Variants in ASPSCR1 observed in about 807,000 individuals in gnomAD.
ASPSCR1 encodes the protein ASPSCR1 tether for SLC2A4, UBX domain containing.
Under a neutral mutation model 68.9 loss-of-function variants are expected in ASPSCR1, and 55 were observed. That is an observed-to-expected ratio of 0.80 (90% confidence interval 0.64 to 1.00). The LOEUF (loss-of-function observed/expected upper bound fraction) is 1.00. ASPSCR1 is among the 50% of genes least tolerant of loss of function. The probability of loss-of-function intolerance (pLI) is 0.00; values close to 1 mark genes in which losing one functional copy is unlikely to be tolerated. For synonymous variants in ASPSCR1, 352 were observed against 332.6 expected, an observed-to-expected ratio of 1.06 and a Z score of -0.63; for missense variants, 765 against 762.2, an observed-to-expected ratio of 1.00 and a Z score of -0.04.
At chr17:81,992,382 T>A (rs2042198735) in intron 4 of ASPSCR1, among the ~76,000 whole-genome samples, 1 of 152,180 alleles carries the variant, frequency 6.6e-6, no homozygotes, top group Non-Finnish European at 1.5e-5. Context: ...GGAGGGAATC[T>A]GATCCCTCTG....
At chr17:82,004,422 G>T in intron 7 of ASPSCR1, 1 of 152,338 alleles carries the variant, frequency 6.6e-6, no homozygotes, top group Non-Finnish European at 1.5e-5. Flanking sequence ...GGACCTGGGG[G>T]TCCACCGGGG....
rs865901793 is a variant in ASPSCR1 at position 81,996,512 on chromosome 17, T to C, written c.599T>C (p.Leu200Pro). The C allele has an allele frequency of 5.6e-6, 9 of 1,612,702 alleles. No individual in the cohort carries two copies. In the Middle Eastern group the frequency reaches 5.0e-4, roughly 89 times the overall value. Residue 200 changes from leucine (L) to proline (P), a missense_variant, in exon 7 of 16, where the codon CTT becomes CCT. By Grantham distance (98) the Leu-to-Pro change is moderately conservative. Transcript: ENST00000306739. ...SAGQAAASAP[L>P]PLESGELSRG... ...GGCCAGGCAGCCGCCAGCGCTCCAC[T>C]TCCCTTGGAATCTGGGGAGCTCAGC...
At chr17:81,997,105 CGCTCCGGGATGAGGCCGTGTGG>C (rs71166182) in intron 7 of ASPSCR1, among the ~76,000 whole-genome samples, 4 of 144,172 alleles carry the variant, frequency 2.8e-5, no homozygotes, top group South Asian at 2.3e-4. Context: ...AGGCCGTGTC[CGCTCCGGGATGAGGCCGTGTGG>C]GCTCCGGGAT....
At chr17:82,011,676 G>A (rs774003805) in intron 11 of ASPSCR1, 71 bp downstream of exon 11, 262 of 1,523,320 alleles carry the variant, frequency 1.7e-4, no homozygotes, top group Non-Finnish European at 2.0e-4. Context: ...CACACCGCCC[G>A]TCCCAGCTGG....
chr17:82,004,416 C>G (rs1301256811), intron 7 of ASPSCR1: 3 of 152,320 alleles, frequency 2.0e-5, no homozygotes, highest in African/African-American at 7.2e-5. Context: ...AGGCCGGGAC[C>G]TGGGGGTCCA....
chr17:81,994,355 G>A (rs939376910), intron 4 of ASPSCR1, among the ~76,000 whole-genome samples: 1 of 152,236 alleles, frequency 6.6e-6, no homozygotes, highest in African/African-American at 2.4e-5. Context: ...GGCTTTGAAG[G>A]AGGACATCAG....
intron 7 of ASPSCR1, among the ~76,000 whole-genome samples, chr17:82,002,593 C>T (rs1226745570): frequency 6.6e-6 from 1 of 151,880 alleles, no homozygotes; most frequent in African/African-American, 2.4e-5. Flanking sequence ...GACAGAGTCT[C>T]ACTCTGTTGC....
At chr17:81,984,933 A>C (rs1598389508) in intron 3 of ASPSCR1, among the ~76,000 whole-genome samples, 1 of 80,404 alleles carries the variant, frequency 1.2e-5, no homozygotes, top group African/African-American at 5.2e-5. Context: ...ACACACCCCC[A>C]CACCCGCACA....
In ASPSCR1 at chr17:82,009,136, T is replaced by C; in HGVS notation, c.1033T>C (p.Phe345Leu). Residue 345 changes from phenylalanine to leucine, a missense_variant, in exon 8 of 16, where the codon TTT becomes CTT. Transcript: ENST00000306739. The part of the protein sequence containing the change: ...AWPAELPDEF[F>L]ELTVDDVRRR... ...GCCAGCGGAGCTGCCTGATGAGTTC[T>C]TTGAGCTGACGGTGGACGACGTGAG... 6.2e-7 allele frequency: 1 copy of C among 1,609,186 alleles called. No individual in the cohort carries two copies. The highest frequency in any genetic ancestry group is 8.5e-7 in the Non-Finnish European group (1 of 1,178,280).
intron 1 of ASPSCR1, chr17:81,978,931 G>A: frequency 1.8e-6 from 1 of 571,134 alleles, no homozygotes; most frequent in Non-Finnish European, 3.1e-6. Flanking sequence ...TTGCTGTACT[G>A]CAGGGGAACT....
intron 12 of ASPSCR1, 62 bp downstream of exon 12, chr17:82,012,345 G>T: frequency 1.3e-6 from 2 of 1,548,760 alleles, no homozygotes; most frequent in South Asian, 2.2e-5. Flanking sequence ...CAGGACGAGA[G>T]CGTGAGGCCT....
intron 10 of ASPSCR1, 63 bp downstream of exon 10, chr17:82,010,931 C>G (rs2042917395): frequency 6.4e-7 from 1 of 1,570,710 alleles, no homozygotes; most frequent in Non-Finnish European, 8.7e-7. Flanking sequence ...TCTCCCGGCT[C>G]CTTCCTTCCA....
chr17:82,016,477 C>T lies in ASPSCR1; in HGVS notation c.1355C>T (p.Ala452Val), dbSNP rs149720294. ...LDDHTQTLFQ[A>V]NLFPAALVHL... ...CTGAGCCCCCCGCCCTCCCTGCAGG[C>T]GAACCTCTTCCCGGCCGCTCTGGTG... The change falls in exon 13 of 16, where the codon GCG becomes GTG. Residue 452 changes from alanine (A) to valine (V), a missense_variant and splice_region_variant. Coordinates refer to ENST00000306739, the MANE Select transcript of ASPSCR1 (RefSeq NM_024083.4). 1.5e-4 allele frequency: 226 copies of T among 1,548,256 alleles called. No individual in the cohort carries two copies. In the African/African-American group the frequency reaches 2.3e-3, roughly 15 times the overall value.
At chr17:82,010,743 G>A (rs374282396) in intron 9 of ASPSCR1, 59 bp from the exon 10 acceptor site, 67 of 1,563,340 alleles carry the variant, frequency 4.3e-5, no homozygotes, top group African/African-American at 3.9e-4. Context: ...GGGAGGCCAC[G>A]CCCTGGTCCC....
chr17:82,012,495 C>G lies in ASPSCR1; in HGVS notation c.1353+212C>G, dbSNP rs538799604. ...GCCTCCTCTGCTTCCTGCCTGGCCC[C>G]GGGTGGGAAAGGACCTGCTAGGCGG... On this transcript the variant is annotated intron_variant, in intron 12 of 15. Transcript: ENST00000306739. Among the ~76,000 whole-genome samples, 3 of 152,288 alleles carry G rather than the reference C, an allele frequency of 2.0e-5. No individual in the cohort carries two copies. The South Asian group carries it at 6.2e-4, about 32-fold the overall frequency.
chr17:81,984,856 A>C (rs1598389041), intron 3 of ASPSCR1, among the ~76,000 whole-genome samples: 1 of 54,468 alleles, frequency 1.8e-5, no homozygotes, highest in Admixed American at 2.5e-4. Context: ...CACACCCCAC[A>C]CACACCTGCA....
chr17:81,995,010 T>A, intron 5 of ASPSCR1, 132 bp downstream of exon 5: 1 of 1,052,494 alleles, frequency 9.5e-7, no homozygotes, highest in Non-Finnish European at 1.3e-6. Context: ...ACGACGTGTT[T>A]CATGGAAAAA....
chr17:82,014,548 T>C (rs6502045), intron 12 of ASPSCR1: 88,249 of 160,012 alleles, frequency 0.55, 24,936 homozygotes, highest in Non-Finnish European at 0.59. Context: ...GCCGAGGCAC[T>C]GTGGTGCCGC....
rs1598408687 is a variant in ASPSCR1 at position 81,996,857 on chromosome 17, C to G, written c.933+11C>G. ...CAGGAGCGGGAGCGGGTAAAAGGGG[C>G]TCTAGGCCTTGGGACTTGGGGGTGT... is the stretch of plus-strand genomic sequence containing the variant. On this transcript the variant is annotated intron_variant, in intron 7 of 15. Transcript: ENST00000306739. 6.4e-7 allele frequency: 1 copy of G among 1,572,584 alleles called. No individual in the cohort carries two copies. Among genetic ancestry groups the G allele is most frequent in the African/African-American group, 1.4e-5 (1 of 73,040 alleles).
Sources: gnomAD v4.1 joint callset for allele counts (sites outside exome capture counted in the v4.1 genomes callset) on GRCh38, gnomAD v4.1.1 for gene constraint, MANE v1.5 for transcripts, NCBI Gene and HGNC (gene_info 2026-07-23, HGNC 2026-07-21) for gene names.